Variants in DCAF8L2 observed in about 807,000 individuals in gnomAD.
DCAF8L2 encodes the protein DDB1 and CUL4 associated factor 8 like 2, also known as DDB1- and CUL4-associated factor 8-like protein 2.
For synonymous variants in DCAF8L2, 200 were observed against 190.9 expected, an observed-to-expected ratio of 1.05 and a Z score of -0.39; for missense variants, 430 against 490.7, an observed-to-expected ratio of 0.88 and a Z score of 1.17.
At chrX:27,697,980 A>G (rs1185599757) in intron 3 of DCAF8L2, among the ~76,000 whole-genome samples, 1 of 110,406 alleles carries the variant, frequency 9.1e-6, no homozygotes, top group Non-Finnish European at 1.9e-5. Context: ...CAAAAGAGCT[A>G]AAAAACCTTA....
chrX:27,661,704 A>G (rs1427023962), intron 2 of DCAF8L2, among the ~76,000 whole-genome samples: 1 of 111,901 alleles, frequency 8.9e-6, no homozygotes, highest in Non-Finnish European at 1.9e-5. Context: ...CTTTTAGGAA[A>G]ATGGAATGAA....
At chrX:27,625,253 C>G (rs1927956007) in intron 1 of DCAF8L2, among the ~76,000 whole-genome samples, 1 of 111,944 alleles carries the variant, frequency 8.9e-6, no homozygotes. Context: ...AAGTGCTCAA[C>G]ATCATTAATC....
the DCAF8L2 span, among the ~76,000 whole-genome samples, chrX:27,506,753 A>G: frequency 9.0e-6 from 1 of 111,246 alleles, no homozygotes; most frequent in African/African-American, 3.3e-5. Context: ...CAGTGGCGCA[A>G]TCTTGGCTCA....
At chrX:27,584,851 A>G in the DCAF8L2 span, among the ~76,000 whole-genome samples, 1 of 111,542 alleles carries the variant, frequency 9.0e-6, no homozygotes, top group Non-Finnish European at 1.9e-5. Flanking sequence ...CCCCTCAAGG[A>G]GCATTTGGCA....
intron 2 of DCAF8L2, among the ~76,000 whole-genome samples, chrX:27,649,313 G>C (rs1321323282): frequency 8.9e-6 from 1 of 112,037 alleles, no homozygotes. Context: ...AGTTTCTTCT[G>C]GATACATACC....
At chrX:27,533,144 A>AAGAAAGAGAGAG in the DCAF8L2 span, among the ~76,000 whole-genome samples, 18 of 23,664 alleles carry the variant, frequency 7.6e-4, 1 homozygote, top group Non-Finnish European at 1.1e-3. Context: ...GGAAGGAAGA[A>AAGAAAGAGAGAG]AGAGAGAGAG....
intron 1 of DCAF8L2, among the ~76,000 whole-genome samples, chrX:27,612,935 C>T (rs1049807725): frequency 1.8e-5 from 2 of 111,594 alleles, no homozygotes; most frequent in African/African-American, 6.5e-5. Context: ...AATGTGGGCT[C>T]TTTTTTGATT....
chrX:27,644,819 A>G (rs1436205876), intron 2 of DCAF8L2, among the ~76,000 whole-genome samples: 1 of 111,800 alleles, frequency 8.9e-6, no homozygotes, highest in African/African-American at 3.3e-5. Flanking sequence ...CAGTGGCGCA[A>G]TCTCGGCTCA....
intron 1 of DCAF8L2, among the ~76,000 whole-genome samples, chrX:27,618,957 C>T (rs1029097501): frequency 9.2e-5 from 10 of 108,360 alleles, no homozygotes; most frequent in African/African-American, 3.3e-4. Flanking sequence ...AAGCCGATCT[C>T]TTCTGGATTA....
At chrX:27,587,010 C>A (rs185394149), upstream of DCAF8L2, among the ~76,000 whole-genome samples, 1 of 110,124 alleles carries the variant, frequency 9.1e-6, no homozygotes, top group Non-Finnish European at 1.9e-5. Flanking sequence ...TTATCTTTTC[C>A]GAAACCTAAT....
chrX:27,573,439 G>A, the DCAF8L2 span, among the ~76,000 whole-genome samples: 1 of 111,013 alleles, frequency 9.0e-6, no homozygotes, highest in South Asian at 3.8e-4. Flanking sequence ...CCTAGCTGAG[G>A]AACACATTTG....
At chrX:27,507,500 T>C in the DCAF8L2 span, among the ~76,000 whole-genome samples, 1 of 112,047 alleles carries the variant, frequency 8.9e-6, no homozygotes, top group African/African-American at 3.2e-5. Context: ...ATGTAGTCAT[T>C]CATCAAATAT....
the DCAF8L2 span, among the ~76,000 whole-genome samples, chrX:27,573,254 T>TCTCTCTCTCACA: frequency 3.0e-5 from 3 of 99,699 alleles, no homozygotes; most frequent in East Asian, 3.3e-4. Context: ...TCTCTCTCTC[T>TCTCTCTCTCACA]CACACACACA....
chrX:27,745,013 T>C (rs1922091193), intron 4 of DCAF8L2, among the ~76,000 whole-genome samples: 1 of 112,260 alleles, frequency 8.9e-6, no homozygotes, highest in Non-Finnish European at 1.9e-5. Flanking sequence ...CTTCCTTTCC[T>C]GGACAATTCC....
chrX:27,740,519 AT>A (rs1354680241), intron 4 of DCAF8L2, among the ~76,000 whole-genome samples: 1 of 112,002 alleles, frequency 8.9e-6, no homozygotes, highest in Non-Finnish European at 1.9e-5. Flanking sequence ...ATAATTCCTT[AT>A]AATGGTCAAC....
At chrX:27,641,815 T>A (rs1271699998) in intron 2 of DCAF8L2, among the ~76,000 whole-genome samples, 2 of 110,469 alleles carry the variant, frequency 1.8e-5, no homozygotes, top group Non-Finnish European at 3.8e-5. Context: ...GCATAACGTG[T>A]GTTTGCCCTT....
intron 2 of DCAF8L2, among the ~76,000 whole-genome samples, chrX:27,671,608 C>T (rs1294479195): frequency 1.8e-5 from 2 of 111,659 alleles, no homozygotes; most frequent in Non-Finnish European, 3.8e-5. Flanking sequence ...AGTTTTCCAT[C>T]CTCAGTCAGA....
At chrX:27,513,703 CAAAA>C in the DCAF8L2 span, among the ~76,000 whole-genome samples, 3 of 64,387 alleles carry the variant, frequency 4.7e-5, no homozygotes, top group African/African-American at 5.4e-5. Flanking sequence ...GACTCAGTCT[CAAAA>C]AAAAAAAAAA....
At chrX:27,653,688 A>G (rs1360550501) in intron 2 of DCAF8L2, among the ~76,000 whole-genome samples, 2 of 106,812 alleles carry the variant, frequency 1.9e-5, no homozygotes, top group Admixed American at 2.1e-4. Flanking sequence ...ACTTTTAGTC[A>G]ATCATGGGGC....
Sources: gnomAD v4.1 joint callset for allele counts (sites outside exome capture counted in the v4.1 genomes callset) on GRCh38, gnomAD v4.1.1 for gene constraint, MANE v1.5 for transcripts, NCBI Gene and HGNC (gene_info 2026-07-23, HGNC 2026-07-21) for gene names.